NIBAN1: variants seen among roughly 807,000 people sequenced by gnomAD.
NIBAN1 encodes protein Niban 1.
Under a neutral mutation model 75.1 loss-of-function variants are expected in NIBAN1, and 81 were observed. The observed-to-expected ratio is 1.08, with a 90% CI of 0.90 to 1.30. The LOEUF (loss-of-function observed/expected upper bound fraction) is 1.30. NIBAN1 is among the 50% of genes most tolerant of loss of function. The pLI is 0.00. For missense variants in NIBAN1, 1,133 were observed against 1,128.1 expected, an observed-to-expected ratio of 1.00 and a Z score of -0.06; for synonymous variants, 436 against 424.8, an observed-to-expected ratio of 1.03 and a Z score of -0.32.
At chr1:184,883,667 C>G (rs1254297197) in intron 5 of NIBAN1, among the ~76,000 whole-genome samples, 1 of 152,180 alleles carries the variant, frequency 6.6e-6, no homozygotes, top group African/African-American at 2.4e-5. Context: ...GTTCGCGAAC[C>G]AGCAGCATCA....
rs565074637 is a variant in NIBAN1, at chr1:184,815,750, G to A, written c.1173+2888C>T. ...GGTGAGAAACTTTAGTGGTACACAC[G>A]TTGCCTCATAATCAGTCAAAACTCT... is the stretch of plus-strand genomic sequence containing the variant. On this transcript the variant is annotated intron_variant, in intron 9 of 13. Transcript: ENST00000367511. Among the ~76,000 whole-genome samples, 9 of 152,280 alleles carry A rather than the reference G, an allele frequency of 5.9e-5. No homozygotes were observed. The South Asian group carries it at 8.3e-4, about 14-fold the overall frequency.
Position 184,794,997 on chromosome 1 carries a change from C to CT in NIBAN1, c.2766dup (p.Glu923ArgfsTer40). 1.2e-6 allele frequency: 2 copies of CT among 1,611,352 alleles called. No individual in the cohort carries two copies. The highest frequency in any genetic ancestry group is 1.7e-6 in the Non-Finnish European group (2 of 1,180,024). On this transcript the variant is annotated frameshift_variant, in exon 14 of 14. Coordinates refer to ENST00000367511, the MANE Select transcript of NIBAN1 (RefSeq NM_052966.4). LOFTEE classifies it high-confidence loss of function. ...CCCTTTCACTCCTCTGAGGGCAGCTCTGGGAAACTCTCCTGACCACCTTCT... is the reference window on the plus strand; with the variant it reads ...CCCTTTCACTCCTCTGAGGGCAGCTCTTGGGAAACTCTCCTGACCACCTTCT...
intron 1 of NIBAN1, among the ~76,000 whole-genome samples, chr1:184,942,430 A>G (rs1259351082): frequency 6.6e-6 from 1 of 152,268 alleles, no homozygotes; most frequent in Admixed American, 6.5e-5. Context: ...GCGGTGGCTC[A>G]CGCCTGTAAT....
intron 1 of NIBAN1, among the ~76,000 whole-genome samples, chr1:184,941,357 G>T (rs1451504938): frequency 1.3e-5 from 2 of 152,092 alleles, no homozygotes; most frequent in East Asian, 3.9e-4. Flanking sequence ...TTCATTTAAA[G>T]AATGTGGGAG....
intron 5 of NIBAN1, among the ~76,000 whole-genome samples, chr1:184,864,703 G>GAAC (rs1390235650): frequency 6.6e-6 from 1 of 151,756 alleles, no homozygotes; most frequent in East Asian, 1.9e-4. Flanking sequence ...TCTAACAAAG[G>GAAC]TCTAATATTC....
At chr1:184,896,891 C>T (rs1419914251) in intron 2 of NIBAN1, among the ~76,000 whole-genome samples, 1 of 152,022 alleles carries the variant, frequency 6.6e-6, no homozygotes, top group Non-Finnish European at 1.5e-5. Flanking sequence ...CATTCTGTTC[C>T]ATTGGTCTAT....
intron 2 of NIBAN1, among the ~76,000 whole-genome samples, chr1:184,895,357 G>C (rs895571887): frequency 1.3e-5 from 2 of 152,104 alleles, no homozygotes; most frequent in African/African-American, 4.8e-5. Context: ...GGGGCCTCAC[G>C]ATAGACTTAC....
chr1:184,936,538 G>A (rs949477505), intron 1 of NIBAN1, among the ~76,000 whole-genome samples: 1 of 152,206 alleles, frequency 6.6e-6, no homozygotes, highest in African/African-American at 2.4e-5. Flanking sequence ...CAGTATCACT[G>A]GGATGAAATC....
chr1:184,860,379 G>C (rs572919493), intron 5 of NIBAN1, among the ~76,000 whole-genome samples: 4 of 152,078 alleles, frequency 2.6e-5, no homozygotes, highest in East Asian at 3.9e-4. Flanking sequence ...TATAAAATTA[G>C]CTTCCAAAAA....
intron 5 of NIBAN1, among the ~76,000 whole-genome samples, chr1:184,884,215 CTTTTTTT>C (rs11334000): frequency 1.5e-5 from 1 of 66,800 alleles, no homozygotes; most frequent in Non-Finnish European, 2.6e-5. Flanking sequence ...ATCTGTGGCT[CTTTTTTT>C]TTTTTTTTTT....
At chr1:184,910,367 G>C (rs997881204) in intron 1 of NIBAN1, among the ~76,000 whole-genome samples, 6 of 152,086 alleles carry the variant, frequency 3.9e-5, no homozygotes, top group African/African-American at 1.4e-4. Flanking sequence ...GACCTCTAGA[G>C]CTGGATGGGA....
intron 9 of NIBAN1, among the ~76,000 whole-genome samples, chr1:184,810,375 A>C (rs1013744177): frequency 1.3e-5 from 2 of 152,160 alleles, no homozygotes; most frequent in Non-Finnish European, 2.9e-5. Flanking sequence ...GGGGCCCGAG[A>C]ATTTGCATTT....
intron 5 of NIBAN1, among the ~76,000 whole-genome samples, chr1:184,844,192 C>T (rs1655372917): frequency 6.6e-6 from 1 of 152,206 alleles, no homozygotes; most frequent in Admixed American, 6.5e-5. Flanking sequence ...TTACCTGCAT[C>T]TTGTGAAATC....
At chr1:184,811,513 G>GTTT (rs55898062) in intron 9 of NIBAN1, among the ~76,000 whole-genome samples, 1 of 139,046 alleles carries the variant, frequency 7.2e-6, no homozygotes, top group African/African-American at 2.7e-5. Context: ...TTTTTTTTTT[G>GTTT]TTTTTTTTTT....
At chr1:184,819,827 A>G (rs1176982657) in intron 8 of NIBAN1, among the ~76,000 whole-genome samples, 1 of 152,232 alleles carries the variant, frequency 6.6e-6, no homozygotes, top group Non-Finnish European at 1.5e-5. Context: ...GACAAACATC[A>G]GACCCTAATT....
In NIBAN1 at chr1:184,823,189, G is replaced by A. The variant is rs1436555436; in HGVS notation, c.963C>T (p.Asn321=). 5 of 1,614,178 alleles carry A rather than the reference G, an allele frequency of 3.1e-6. No individual in the cohort carries two copies. The highest frequency in any genetic ancestry group is 3.4e-6 in the Non-Finnish European group (4 of 1,180,020). Residue 321 remains asparagine, a synonymous_variant, in exon 8 of 14, where the codon AAC becomes AAT. Coordinates refer to ENST00000367511, the MANE Select transcript of NIBAN1 (RefSeq NM_052966.4). ...GACCTTTGATCTTTCCAATTAAATA[G>A]TTCTTTGAGTTCACAATCTGATCCA... ...SDMDQIVNSK[N]YLIGKIKAMV...
intron 1 of NIBAN1, among the ~76,000 whole-genome samples, chr1:184,918,282 G>A (rs934057894): frequency 1.3e-5 from 2 of 152,092 alleles, no homozygotes; most frequent in African/African-American, 4.8e-5. Context: ...TCAGGCCCTC[G>A]TCTCTTACAA....
At chr1:184,851,840 C>CT (rs59746255) in intron 5 of NIBAN1, among the ~76,000 whole-genome samples, 91 of 143,952 alleles carry the variant, frequency 6.3e-4, no homozygotes, top group Non-Finnish European at 8.3e-4. Flanking sequence ...GATCTAACGA[C>CT]TTTTTTTTTT....
intron 5 of NIBAN1, among the ~76,000 whole-genome samples, chr1:184,878,743 C>T (rs1212812407): frequency 6.6e-6 from 1 of 152,130 alleles, no homozygotes; most frequent in Non-Finnish European, 1.5e-5. Context: ...TAGAAAGTAA[C>T]ACTGAGAAGA....
Sources: gnomAD v4.1 joint callset for allele counts (sites outside exome capture counted in the v4.1 genomes callset) on GRCh38, gnomAD v4.1.1 for gene constraint, MANE v1.5 for transcripts, NCBI Gene and HGNC (gene_info 2026-07-23, HGNC 2026-07-21) for gene names.